The following TDRD10 variants were observed in gnomAD, a reference collection of about 807,000 sequenced individuals.
TDRD10 encodes tudor domain-containing protein 10.
In TDRD10, 40 loss-of-function variants were observed where a neutral mutation model predicts 48.0. The ratio of observed to expected loss-of-function variants is 0.83; its 90% CI spans 0.65 to 1.09. The LOEUF (loss-of-function observed/expected upper bound fraction) is 1.09. Among genes scored for constraint, TDRD10 ranks in the 50% least tolerant of loss-of-function variants. TDRD10 has a pLI of 0.00. For missense variants in TDRD10, 378 were observed against 434.7 expected (o/e 0.87, Z 1.16); for synonymous variants, 162 against 170.4 (o/e 0.95, Z 0.38).
chr1:154,520,102 G>A (rs1418890794), intron 4 of TDRD10, among the ~76,000 whole-genome samples: 1 of 152,144 alleles, frequency 6.6e-6, no homozygotes, highest in Non-Finnish European at 1.5e-5. Context: ...CTGCATCGCT[G>A]CTTGGCTGGT....
At chr1:154,542,913 G>A in intron 8 of TDRD10, 92 bp downstream of exon 8, 1 of 1,069,928 alleles carries the variant, frequency 9.3e-7, no homozygotes, top group Non-Finnish European at 1.4e-6. Flanking sequence ...GTACTGGGGT[G>A]GGGGATAGTT....
intron 7 of TDRD10, 141 bp downstream of exon 7, chr1:154,542,207 C>T (rs778281341): frequency 1.8e-5 from 14 of 799,546 alleles, no homozygotes; most frequent in Non-Finnish European, 2.5e-5. Context: ...TCCCTTTCTT[C>T]CTCTAGGATG....
chr1:154,543,362 C>T (rs1432613605), intron 8 of TDRD10, among the ~76,000 whole-genome samples: 1 of 152,192 alleles, frequency 6.6e-6, no homozygotes, highest in Non-Finnish European at 1.5e-5. Context: ...GCCCTGGATG[C>T]CATGAGATCA....
chr1:154,545,665 C>T (rs1194743888), intron 11 of TDRD10, among the ~76,000 whole-genome samples: 1 of 151,960 alleles, frequency 6.6e-6, no homozygotes, highest in Non-Finnish European at 1.5e-5. Context: ...GCCTCAAACT[C>T]CTTGGCTCAA....
intron 6 of TDRD10, among the ~76,000 whole-genome samples, chr1:154,527,899 A>G (rs1369112962): frequency 1.3e-5 from 2 of 152,228 alleles, no homozygotes; most frequent in African/African-American, 4.8e-5. Context: ...TTCACATACA[A>G]TTGTAACAAC....
At chr1:154,531,476 C>T (rs535113318) in intron 6 of TDRD10, among the ~76,000 whole-genome samples, 2 of 152,182 alleles carry the variant, frequency 1.3e-5, no homozygotes, top group African/African-American at 4.8e-5. Context: ...CGCTGGCTCA[C>T]GAGTGAAGCT....
chr1:154,523,004 C>T (rs1007177444), intron 6 of TDRD10, among the ~76,000 whole-genome samples: 2 of 152,158 alleles, frequency 1.3e-5, no homozygotes, highest in Non-Finnish European at 2.9e-5. Flanking sequence ...CAACCTCTGC[C>T]TCCTGGGTTC....
At chr1:154,533,932 C>T (rs1694789579) in intron 6 of TDRD10, among the ~76,000 whole-genome samples, 1 of 150,644 alleles carries the variant, frequency 6.6e-6, no homozygotes, top group Non-Finnish European at 1.5e-5. Context: ...AGATGGGGTC[C>T]CACTATGTTG....
intron 11 of TDRD10, among the ~76,000 whole-genome samples, chr1:154,545,927 ATTT>A (rs559924225): frequency 0.16 from 13,590 of 84,900 alleles, 1,053 homozygotes; most frequent in South Asian, 0.2. Context: ...CACCCAGCTA[ATTT>A]TTTTTTTTTT....
intron 8 of TDRD10, among the ~76,000 whole-genome samples, chr1:154,543,673 C>T (rs1231940416): frequency 6.6e-6 from 1 of 152,166 alleles, no homozygotes; most frequent in Non-Finnish European, 1.5e-5. Context: ...CTTTTATCCA[C>T]CTCTCTCGGA....
intron 4 of TDRD10, among the ~76,000 whole-genome samples, chr1:154,513,404 A>C (rs928715996): frequency 6.6e-6 from 1 of 152,260 alleles, no homozygotes; most frequent in African/African-American, 2.4e-5. Context: ...AGTTCTTTAC[A>C]GAAGAACTCT....
chr1:154,509,910 C>A (rs894195799), intron 4 of TDRD10: 1 of 973,894 alleles, frequency 1.0e-6, no homozygotes, highest in Non-Finnish European at 1.2e-6. Flanking sequence ...CTCTTCCCCC[C>A]TCCCCAGTAG....
intron 6 of TDRD10, among the ~76,000 whole-genome samples, chr1:154,523,538 C>T (rs961368871): frequency 6.6e-6 from 1 of 152,298 alleles, no homozygotes; most frequent in Middle Eastern, 3.4e-3. Flanking sequence ...TAGCAAGGCT[C>T]TACAGCCTCA....
At chr1:154,503,569 C>T (rs563870786) in intron 1 of TDRD10, among the ~76,000 whole-genome samples, 1 of 152,276 alleles carries the variant, frequency 6.6e-6, no homozygotes, top group Non-Finnish European at 1.5e-5. Flanking sequence ...GCCTGGGCGA[C>T]AGAGCGAGAC....
At position 154,520,518 on chromosome 1, in the gene TDRD10, C is replaced by T. The variant is rs1694001455; in HGVS notation, c.212+144C>T. 2.1e-5 allele frequency: 14 copies of T among 658,784 alleles called. No homozygotes were observed. The Admixed American group carries it at 2.9e-4, about 14-fold the overall frequency. The allele number at this position is 658,784 out of a possible 1,614,324, so 40.8% of individuals were successfully genotyped here. The stretch of plus-strand genomic sequence containing the variant: ...ACTTGGCAAAGGAACATTTGGGAAA[C>T]CCCCTTTCCATATTTAACCCTGTGA... On this transcript the variant is annotated intron_variant, in intron 5 of 12. Coordinates refer to ENST00000368482, the MANE Select transcript of TDRD10 (RefSeq NM_182499.4).
At chr1:154,532,609 C>T (rs984076209) in intron 6 of TDRD10, among the ~76,000 whole-genome samples, 4 of 152,300 alleles carry the variant, frequency 2.6e-5, no homozygotes, top group Admixed American at 2.0e-4. Context: ...GCGAGGGCTG[C>T]GAGGGCTGCC....
chr1:154,543,759 CCCTT>C (rs948125196), intron 8 of TDRD10, among the ~76,000 whole-genome samples, 200 bp from the exon 9 acceptor site: 1 of 152,186 alleles, frequency 6.6e-6, no homozygotes, highest in African/African-American at 2.4e-5. Context: ...CCCAGAATGG[CCCTT>C]CCTTTCCTCT....
intron 3 of TDRD10, 114 bp downstream of exon 3, chr1:154,507,434 C>G: frequency 8.2e-7 from 1 of 1,224,682 alleles, no homozygotes; most frequent in Non-Finnish European, 1.2e-6. Context: ...TGGGATCTGC[C>G]TAGATTCTGC....
At chr1:154,503,342 C>G (rs553307502) in intron 1 of TDRD10, among the ~76,000 whole-genome samples, 1 of 152,146 alleles carries the variant, frequency 6.6e-6, no homozygotes, top group African/African-American at 2.4e-5. Context: ...AATCCCAGCA[C>G]TTTGGGAGGC....
Sources: allele counts gnomAD v4.1 joint callset (sites outside exome capture counted in the v4.1 genomes callset), GRCh38; gene constraint gnomAD v4.1.1; transcripts MANE v1.5; gene names NCBI Gene and HGNC (gene_info 2026-07-23, HGNC 2026-07-21).